PDS5B: variants seen among roughly 807,000 people sequenced by gnomAD.
PDS5B encodes PDS5 cohesin associated factor B.
A neutral mutation model predicts 184.1 loss-of-function variants in PDS5B; 51 were observed. The ratio of observed to expected loss-of-function variants is 0.28; its 90% CI spans 0.22 to 0.35. The LOEUF (loss-of-function observed/expected upper bound fraction) is 0.35, where lower values mean the gene tolerates loss of function less well. PDS5B is among the 10% of genes least tolerant of loss of function. PDS5B has a pLI of 1.00. For synonymous variants in PDS5B, 566 were observed against 569.2 expected (o/e 0.99, Z 0.08); for missense variants, 1,180 against 1,723.3 (o/e 0.68, Z 5.58).
chr13:32,632,927 C>T (rs981301619), intron 1 of PDS5B, among the ~76,000 whole-genome samples: 4 of 151,842 alleles, frequency 2.6e-5, no homozygotes, highest in African/African-American at 9.7e-5. Context: ...CATGGTGAAA[C>T]CCCGTCTCTA....
intron 27 of PDS5B, 25 bp downstream of exon 27, chr13:32,758,244 A>G (rs1954257027): frequency 2.7e-6 from 4 of 1,462,660 alleles, no homozygotes; most frequent in East Asian, 2.4e-5. Flanking sequence ...GTAAATAATT[A>G]TGGTTCCATA....
intron 1 of PDS5B, among the ~76,000 whole-genome samples, chr13:32,586,918 G>T (rs1275159842): frequency 7.0e-6 from 1 of 143,762 alleles, no homozygotes; most frequent in Non-Finnish European, 1.5e-5. Flanking sequence ...TCCCGGCCGG[G>T]GCGGCGGCGG....
intron 21 of PDS5B, among the ~76,000 whole-genome samples, chr13:32,736,633 A>T (rs1953338319): frequency 6.6e-6 from 1 of 152,034 alleles, no homozygotes; most frequent in South Asian, 2.1e-4. Flanking sequence ...CTCTTCTTGT[A>T]TATATAGCTT....
At chr13:32,674,311 CA>C in intron 8 of PDS5B, among the ~76,000 whole-genome samples, 1 of 152,138 alleles carries the variant, frequency 6.6e-6, no homozygotes, top group African/African-American at 2.4e-5. Flanking sequence ...GATTTTCTTT[CA>C]AAAACAAAAC....
intron 14 of PDS5B, 23 bp from the exon 15 acceptor site, chr13:32,696,831 G>A (rs1331710154): frequency 6.4e-7 from 1 of 1,573,584 alleles, no homozygotes; most frequent in East Asian, 2.3e-5. Flanking sequence ...TTTTAATTTT[G>A]CATTTTTTTG....
At chr13:32,687,350 A>G (rs999863866) in intron 12 of PDS5B, 65 bp downstream of exon 12, 2 of 1,235,074 alleles carry the variant, frequency 1.6e-6, no homozygotes, top group Non-Finnish European at 2.3e-6. Context: ...TTATTGTTTT[A>G]TGCAAACTAT....
chr13:32,744,427 C>G (rs918547359), intron 23 of PDS5B, among the ~76,000 whole-genome samples: 2 of 152,010 alleles, frequency 1.3e-5, no homozygotes, highest in Admixed American at 6.6e-5. Flanking sequence ...TCTGTCCTTT[C>G]CTTAAGTGGG....
At chr13:32,592,314 G>A (rs1455240494) in intron 1 of PDS5B, among the ~76,000 whole-genome samples, 1 of 152,154 alleles carries the variant, frequency 6.6e-6, no homozygotes, top group Non-Finnish European at 1.5e-5. Context: ...GAATGCAGTG[G>A]TGTGATCTCG....
At chr13:32,733,345 AG>A (rs1566387726) in intron 20 of PDS5B, among the ~76,000 whole-genome samples, 1 of 152,106 alleles carries the variant, frequency 6.6e-6, no homozygotes, top group African/African-American at 2.4e-5. Flanking sequence ...GGCATTTTTG[AG>A]GTTCCACTAA....
intron 17 of PDS5B, among the ~76,000 whole-genome samples, chr13:32,705,428 T>C (rs1951982078): frequency 6.6e-6 from 1 of 152,082 alleles, no homozygotes; most frequent in South Asian, 2.1e-4. Flanking sequence ...ATACCAACTG[T>C]TAAAGAGATG....
chr13:32,741,168 C>A lies in PDS5B; in HGVS notation c.2475+20C>A, dbSNP rs779966479. 4 of 1,270,472 alleles carry A rather than the reference C, an allele frequency of 3.1e-6. No homozygotes were observed. The highest frequency in any genetic ancestry group is 2.6e-5 in the South Asian group (2 of 76,544). 78.7% of individuals were successfully genotyped at this position (1,270,472 alleles called of 1,614,324 possible). A position where few individuals can be genotyped will look rare whatever the true frequency, so the allele number is the denominator to read the frequency against. ...GTCAAAGTGAGTAATGTGCATAGAT[C>A]TATTGATTTTAATATAATCACCACA... On this transcript the variant is annotated intron_variant, in intron 22 of 34. Transcript: ENST00000315596.
rs201933867 is a variant in PDS5B, at chr13:32,770,506, C to G, written c.4010C>G (p.Thr1337Arg). The G allele has an allele frequency of 5.8e-5, 94 of 1,610,932 alleles. No individual in the cohort carries two copies. Among genetic ancestry groups the G allele is most frequent in the Non-Finnish European group, 7.4e-5 (87 of 1,179,384 alleles). The change falls in exon 32 of 35, where the codon ACG (threonine) becomes AGG (arginine). Residue 1337 changes from threonine (T) to arginine (R), a missense_variant. This residue lies in a region of PDS5B where 465 missense variants were observed against 497.8 expected (regional missense o/e 0.93). Transcript: ENST00000315596. ...GAAGAAGAAAGACAAAGTGGAAATA[C>G]GGAACAGAAGTCCAAAAGCAAACAG... ...EEEEERQSGN[T>R]EQKSKSKQHR...
intron 6 of PDS5B, among the ~76,000 whole-genome samples, chr13:32,660,224 A>G (rs74629042): frequency 1.5e-3 from 221 of 152,230 alleles, no homozygotes; most frequent in African/African-American, 5.0e-3. Flanking sequence ...ACAGGAGAGA[A>G]GGGGGAAGCT....
At chr13:32,608,489 G>A (rs1223372063) in intron 1 of PDS5B, among the ~76,000 whole-genome samples, 1 of 152,102 alleles carries the variant, frequency 6.6e-6, no homozygotes, top group African/African-American at 2.4e-5. Flanking sequence ...TATTTTTAAC[G>A]AATTGTAGGA....
intron 6 of PDS5B, among the ~76,000 whole-genome samples, chr13:32,666,935 C>T (rs936290695): frequency 1.3e-5 from 2 of 151,684 alleles, no homozygotes; most frequent in African/African-American, 4.8e-5. Context: ...CTCATTTACA[C>T]AAGGAGACTT....
At chr13:32,665,021 C>T (rs1209734476) in intron 6 of PDS5B, among the ~76,000 whole-genome samples, 1 of 151,974 alleles carries the variant, frequency 6.6e-6, no homozygotes, top group Non-Finnish European at 1.5e-5. Context: ...TCATGTGTCC[C>T]TTTGGCTATA....
At chr13:32,713,049 AT>A (rs1952256930) in intron 19 of PDS5B, among the ~76,000 whole-genome samples, 1 of 152,200 alleles carries the variant, frequency 6.6e-6, no homozygotes, top group Admixed American at 6.5e-5. Flanking sequence ...AAAACTGAGG[AT>A]CCTGTCATAA....
At chr13:32,666,938 G>C (rs1430014035) in intron 6 of PDS5B, among the ~76,000 whole-genome samples, 1 of 151,918 alleles carries the variant, frequency 6.6e-6, no homozygotes, top group Non-Finnish European at 1.5e-5. Context: ...ATTTACACAA[G>C]GAGACTTGTA....
chr13:32,737,526 T>C (rs895094924), intron 21 of PDS5B, among the ~76,000 whole-genome samples: 1 of 152,230 alleles, frequency 6.6e-6, no homozygotes, highest in Non-Finnish European at 1.5e-5. Flanking sequence ...AAATCTTTGC[T>C]TTCCCTCCTT....
Sources: gnomAD v4.1 joint callset for allele counts (sites outside exome capture counted in the v4.1 genomes callset) on GRCh38, gnomAD v4.1.1 for gene constraint, gnomAD v4.1.1 regional missense constraint, MANE v1.5 for transcripts, NCBI Gene and HGNC (gene_info 2026-07-23, HGNC 2026-07-21) for gene names.